The following CXCL16 variants were observed in gnomAD, a reference collection of about 807,000 sequenced individuals.
CXCL16 encodes C-X-C motif chemokine 16.
Under a neutral mutation model 23.8 loss-of-function variants are expected in CXCL16, and 18 were observed. That is an observed-to-expected ratio of 0.76 (90% CI 0.52 to 1.12). The LOEUF is 1.12. Among genes scored for constraint, CXCL16 ranks in the 50% most tolerant of loss-of-function variants. The pLI is 0.00. For missense variants in CXCL16, 297 were observed against 315.4 expected (o/e 0.94, Z 0.44); for synonymous variants, 123 against 132.5 (o/e 0.93, Z 0.49).
At chr17:4,734,965 C>T (rs1916106258) in intron 4 of CXCL16, 127 bp downstream of exon 4, 4 of 938,068 alleles carry the variant, frequency 4.3e-6, no homozygotes, top group East Asian at 2.5e-5. Flanking sequence ...CAGAGTCAAC[C>T]TTGTGCAGAC....
chr17:4,735,063 TG>T, intron 4 of CXCL16, 28 bp downstream of exon 4: 4 of 1,579,708 alleles, frequency 2.5e-6, no homozygotes, highest in Non-Finnish European at 2.6e-6. Context: ...TCTGGGTCCC[TG>T]GGGGGAGGGT....
rs1916225338 is a variant in CXCL16, at chr17:4,738,401, G to C, written c.301+7C>G. The C allele has an allele frequency of 6.2e-7, 1 of 1,610,836 alleles. No homozygotes were observed. Among genetic ancestry groups the C allele is most frequent in the South Asian group, 1.1e-5 (1 of 91,002 alleles). On this transcript the variant is annotated splice_region_variant and intron_variant, in intron 3 of 5. Transcript: ENST00000293778. The surrounding 1 kb of genome is among the most constrained non-coding windows in gnomAD (Gnocchi z 4.0). ...GCAGAGCCTGAAGAGCAGTGGAAAA[G>C]TCTCACCTTTGAGATCAAGACAGCT... is the stretch of plus-strand genomic sequence containing the variant.
Position 4,738,132 on chromosome 17 carries a change from AAAAAT to A in CXCL16, c.301+271_301+275del, listed in dbSNP as rs1160813141. ...GTGACAGAGTGAGACTCCATCTCAA[AAAAAT>A]AAAATAAAATAGTACTTTGATTTCA... On this transcript the variant is annotated intron_variant, in intron 3 of 5. Coordinates refer to ENST00000293778, the MANE Select transcript of CXCL16 (RefSeq NM_001386809.1). The surrounding 1 kb of genome is among the most constrained non-coding windows in gnomAD (Gnocchi z 4.0). Among the ~76,000 whole-genome samples the A allele has an allele frequency of 3.3e-5, 5 of 152,198 alleles. No homozygotes were observed. Among genetic ancestry groups the A allele is most frequent in the South Asian group, 2.1e-4 (1 of 4,832 alleles).
At position 4,738,773 on chromosome 17, in the gene CXCL16, T is replaced by C. The variant is rs201449487; in HGVS notation, c.218+9A>G. Reference sequence around the variant, plus strand: ...CAGGCGCTGCCCTCGCAGAGGCAGGTAAAATTACCTCGTGTAGTATAGACA... The same window carrying C: ...CAGGCGCTGCCCTCGCAGAGGCAGGCAAAATTACCTCGTGTAGTATAGACA... On this transcript the variant is annotated intron_variant, in intron 2 of 5. Transcript: ENST00000293778. The surrounding 1 kb of genome is among the most constrained non-coding windows in gnomAD (Gnocchi z 4.0). The C allele has an allele frequency of 1.2e-5, 19 of 1,611,238 alleles. No homozygotes were observed. Among genetic ancestry groups the C allele is most frequent in the Non-Finnish European group, 1.6e-5 (19 of 1,178,940 alleles).
In CXCL16 at chr17:4,739,499, C is replaced by T. The variant is rs1916279917; in HGVS notation, c.-160G>A. 9.5e-7 allele frequency: 1 copy of T among 1,051,760 alleles called. No individual in the cohort carries two copies. The highest frequency in any genetic ancestry group is 1.4e-6 in the Non-Finnish European group (1 of 720,976). 65.2% of individuals were successfully genotyped at this position (1,051,760 alleles called of 1,614,324 possible). On this transcript the variant is annotated 5_prime_UTR_variant, in exon 1 of 6. Coordinates refer to ENST00000293778, the MANE Select transcript of CXCL16 (RefSeq NM_001386809.1). This position sits in a 1 kb window ranked among gnomAD's most constrained non-coding sequence, Gnocchi z 5.3. ...CGCGAGCCAGCTGCACCCCCCGGCC[C>T]TGCTGTGCCCCGACCGTGCGCTCAG...
At position 4,735,432 on chromosome 17, in the gene CXCL16, GGCCTGAGAAA is replaced by G; in HGVS notation, c.368_377del (p.Ile123ThrfsTer30). 6.6e-7 allele frequency: 1 copy of G among 1,524,002 alleles called. No homozygotes were observed. The highest frequency in any genetic ancestry group is 8.8e-7 in the Non-Finnish European group (1 of 1,132,236). The allele number at this position is 1,524,002 out of a possible 1,614,324, so 94.4% of individuals were successfully genotyped here. A position where few individuals can be genotyped will look rare whatever the true frequency, so the allele number is the denominator to read the frequency against. On this transcript the variant is annotated frameshift_variant, in exon 4 of 6. Coordinates refer to ENST00000293778, the MANE Select transcript of CXCL16 (RefSeq NM_001386809.1). LOFTEE classifies it high-confidence loss of function. ...GGATATCTGAAGATGCCCCCTCTGA[GGCCTGAGAAA>G]TTGGGGGGCTGGTAGGAAGTAAATG...
intron 3 of CXCL16, among the ~76,000 whole-genome samples, chr17:4,735,885 C>G (rs969692653): frequency 2.0e-5 from 3 of 151,966 alleles, no homozygotes; most frequent in African/African-American, 7.3e-5. Flanking sequence ...ACCAGTCTGA[C>G]CAACATGGAG....
rs1433124539 is a variant in CXCL16 at position 4,739,389 on chromosome 17, C to T, written c.-50G>A. ...GGATGGAGCCACCTCGCTCTGACTC[C>T]CAGACATGCTCCGGCGCGTGACGTC... On this transcript the variant is annotated 5_prime_UTR_variant, in exon 1 of 6. Transcript: ENST00000293778. The surrounding 1 kb of genome is among the most constrained non-coding windows in gnomAD (Gnocchi z 5.3). 6.2e-7 allele frequency: 1 copy of T among 1,611,990 alleles called. No homozygotes were observed. The highest frequency in any genetic ancestry group is 8.5e-7 in the Non-Finnish European group (1 of 1,179,658).
At chr17:4,736,034 CA>C (rs771434699) in intron 3 of CXCL16, among the ~76,000 whole-genome samples, 8 of 151,354 alleles carry the variant, frequency 5.3e-5, no homozygotes, top group Non-Finnish European at 1.0e-4. Flanking sequence ...TGCACAACTG[CA>C]TTCCAGCCTG....
At chr17:4,735,802 G>A (rs973774212) in intron 3 of CXCL16, among the ~76,000 whole-genome samples, 2 of 152,118 alleles carry the variant, frequency 1.3e-5, no homozygotes, top group Admixed American at 6.6e-5. Flanking sequence ...GGCCGGGCGC[G>A]GTGGTTCACG....
At chr17:4,737,635 T>C (rs1916196051) in intron 3 of CXCL16, among the ~76,000 whole-genome samples, 1 of 139,824 alleles carries the variant, frequency 7.2e-6, no homozygotes, top group African/African-American at 2.7e-5. Context: ...GGATGATGGA[T>C]AGAAGAATGA....
At position 4,734,374 on chromosome 17, in the gene CXCL16, G is replaced by A; in HGVS notation, c.*129C>T. On this transcript the variant is annotated 3_prime_UTR_variant, in exon 6 of 6. Coordinates refer to ENST00000293778, the MANE Select transcript of CXCL16 (RefSeq NM_001386809.1). ...AGATATTAACAAATACGTGTAGGCT[G>A]GATGTGGTAGGTGACGCCTATAATC... is the stretch of plus-strand genomic sequence containing the variant. The A allele has an allele frequency of 2.2e-6, 1 of 451,000 alleles. No homozygotes were observed. The highest frequency in any genetic ancestry group is 4.1e-6 in the Non-Finnish European group (1 of 243,452). The allele number at this position is 451,000 out of a possible 1,614,324, so 27.9% of individuals were successfully genotyped here. A position where few individuals can be genotyped will look rare whatever the true frequency, so the allele number is the denominator to read the frequency against.
In CXCL16 at chr17:4,738,729, C is replaced by G; in HGVS notation, c.218+53G>C. 1.3e-6 allele frequency: 2 copies of G among 1,593,362 alleles called. No homozygotes were observed. The highest frequency in any genetic ancestry group is 3.4e-5 in the Admixed American group (2 of 58,554). On this transcript the variant is annotated intron_variant, in intron 2 of 5. Coordinates refer to ENST00000293778, the MANE Select transcript of CXCL16 (RefSeq NM_001386809.1). This position sits in a 1 kb window ranked among gnomAD's most constrained non-coding sequence, Gnocchi z 4.0. ...TGGACCAGAGAGGGTCCTGGAGGCA[C>G]CTGCAAGGAGGGGCCGCCCAGGCGC...
Position 4,738,492 on chromosome 17 carries a change from T to G in CXCL16, c.219-2A>C. 6.2e-7 allele frequency: 1 copy of G among 1,611,552 alleles called. No homozygotes were observed. On this transcript the variant is annotated splice_acceptor_variant, in intron 2 of 5. Transcript: ENST00000293778. LOFTEE classifies it high-confidence loss of function. The surrounding 1 kb of genome is among the most constrained non-coding windows in gnomAD (Gnocchi z 4.0). ...ACGCTCCAGGAAAGGAGCTGGAACC[T>G]GCGGAGGAGAGACCTGGGCTTAGCT...
At position 4,738,275 on chromosome 17, in the gene CXCL16, T is replaced by C; in HGVS notation, c.301+133A>G. ...TGGCAAACAGGGACTCGAGTCTAAGTACTTTGGACAGGATCAGAAGAAGGT... is the reference window on the plus strand; with the variant it reads ...TGGCAAACAGGGACTCGAGTCTAAGCACTTTGGACAGGATCAGAAGAAGGT... On this transcript the variant is annotated intron_variant, in intron 3 of 5. Coordinates refer to ENST00000293778, the MANE Select transcript of CXCL16 (RefSeq NM_001386809.1). The surrounding 1 kb of genome is among the most constrained non-coding windows in gnomAD (Gnocchi z 4.0). 1 of 682,080 alleles carries C rather than the reference T, an allele frequency of 1.5e-6. No individual in the cohort carries two copies. Among genetic ancestry groups the C allele is most frequent in the Non-Finnish European group, 2.6e-6 (1 of 391,958 alleles). The allele number at this position is 682,080 out of a possible 1,614,324, so 42.3% of individuals were successfully genotyped here.
Position 4,738,582 on chromosome 17 carries a change from A to C in CXCL16, c.219-92T>G. ...AGAGGCGTGAAGTTGCCACCAAGAA[A>C]GAGCCCTTTCTCCTGGGACTGGGAA... On this transcript the variant is annotated intron_variant, in intron 2 of 5. Coordinates refer to ENST00000293778, the MANE Select transcript of CXCL16 (RefSeq NM_001386809.1). The surrounding 1 kb of genome is among the most constrained non-coding windows in gnomAD (Gnocchi z 4.0). 8.9e-7 allele frequency: 1 copy of C among 1,124,040 alleles called. No homozygotes were observed. Among genetic ancestry groups the C allele is most frequent in the Non-Finnish European group, 1.3e-6 (1 of 771,386 alleles). The allele number at this position is 1,124,040 out of a possible 1,614,324, so 69.6% of individuals were successfully genotyped here. A position where few individuals can be genotyped will look rare whatever the true frequency, so the allele number is the denominator to read the frequency against.
rs2150622808 is a variant in CXCL16 at position 4,739,336 on chromosome 17, C to T, written c.4G>A (p.Gly2Arg). 6.2e-7 allele frequency: 1 copy of T among 1,613,308 alleles called. No individual in the cohort carries two copies. Among genetic ancestry groups the T allele is most frequent in the Non-Finnish European group, 8.5e-7 (1 of 1,179,784 alleles). ...CGGGACCCGGGCCGCAAGTCCCGTC[C>T]CATCTCGGGGCTCCGCGGACTCTGC... MGRDLRPGSRVL... is the reference protein window; with the variant it reads MRRDLRPGSRVL... The change falls in exon 1 of 6, where the codon GGA (glycine) becomes AGA (arginine). Residue 2 changes from glycine to arginine, a missense_variant. Gly to Arg is a moderately radical substitution (Grantham distance 125). Transcript: ENST00000293778. This position sits in a 1 kb window ranked among gnomAD's most constrained non-coding sequence, Gnocchi z 5.3.
At chr17:4,736,458 G>A (rs1427277999) in intron 3 of CXCL16, 2 of 152,252 alleles carry the variant, frequency 1.3e-5, no homozygotes, top group Non-Finnish European at 2.9e-5. Flanking sequence ...CACGAGACAA[G>A]TGGGTGTCAT....
Position 4,739,278 on chromosome 17 carries a change from A to C in CXCL16, c.62T>G (p.Val21Gly), listed in dbSNP as rs1597501085. 1 of 1,607,276 alleles carries C rather than the reference A, an allele frequency of 6.2e-7. No homozygotes were observed. The highest frequency in any genetic ancestry group is 8.5e-7 in the Non-Finnish European group (1 of 1,176,882). The change falls in exon 1 of 6, where the codon GTG (valine) becomes GGG (glycine). Residue 21 changes from valine to glycine, a missense_variant. Physicochemically the swap from Val to Gly is moderately radical, Grantham distance 109. Coordinates refer to ENST00000293778, the MANE Select transcript of CXCL16 (RefSeq NM_001386809.1). This position sits in a 1 kb window ranked among gnomAD's most constrained non-coding sequence, Gnocchi z 5.3. Reference protein sequence around the residue: ...VLLLLLLLLLVYLTQPGNGNE... With the variant: ...VLLLLLLLLLGYLTQPGNGNE... ...CGGCTAACCTGGCTGAGTCAGGTAC[A>C]CCAGCAGGAGCAGAAGCAGGAGCAG... is the stretch of plus-strand genomic sequence containing the variant.
Sources: gnomAD v4.1 joint callset for allele counts (sites outside exome capture counted in the v4.1 genomes callset) on GRCh38, gnomAD v4.1.1 for gene constraint, Gnocchi (gnomAD v3.1) non-coding constraint, MANE v1.5 for transcripts, NCBI Gene and HGNC (gene_info 2026-07-23, HGNC 2026-07-21) for gene names.